The following TRMT9B variants were observed in gnomAD, a reference collection of about 807,000 sequenced individuals.
The protein encoded by TRMT9B is probable tRNA methyltransferase 9B.
In TRMT9B, 16 loss-of-function variants were observed where a neutral mutation model predicts 11.5. The observed-to-expected ratio is 1.39, with a 90% CI of 0.94 to 2.11. TRMT9B has a LOEUF of 2.11. TRMT9B is among the 30% of genes most tolerant of loss of function. The probability of loss-of-function intolerance (pLI) is 0.00; values close to 1 mark genes in which losing one functional copy is unlikely to be tolerated. For synonymous variants in TRMT9B, 274 were observed against 192.4 expected (o/e 1.42, Z -3.51); for missense variants, 941 against 553.8 (o/e 1.70, Z -7.02).
At chr8:12,954,872 A>C (rs898172184) in intron 1 of TRMT9B, among the ~76,000 whole-genome samples, 4 of 152,198 alleles carry the variant, frequency 2.6e-5, no homozygotes, top group Non-Finnish European at 5.9e-5. Flanking sequence ...TAAGAGTTTG[A>C]ACTAGATCAC....
chr8:13,021,246 C>G lies in TRMT9B; in HGVS notation c.567C>G (p.Pro189=). ...RQCGYPERGH[P]YHPPCSECSC... is the part of the protein sequence containing the mutation. ...GTGGATACCCAGAAAGAGGCCATCC[C>G]TACCATCCTCCTTGCTCTGAGTGTA... is the stretch of plus-strand genomic sequence containing the variant. Residue 189 remains proline (P), a synonymous_variant, in exon 5 of 5, where the codon CCC becomes CCG. Transcript: ENST00000524591. 6.2e-7 allele frequency: 1 copy of G among 1,613,940 alleles called. No individual in the cohort carries two copies. The highest frequency in any genetic ancestry group is 8.5e-7 in the Non-Finnish European group (1 of 1,179,868).
intron 1 of TRMT9B, chr8:12,970,268 C>T (rs1803408947): frequency 1.3e-5 from 2 of 152,240 alleles, no homozygotes; most frequent in South Asian, 2.1e-4. Flanking sequence ...CCTTCACTGT[C>T]CATGAACTTT....
Position 13,023,808 on chromosome 8 carries a change from T to C in TRMT9B, c.*1764T>C, listed in dbSNP as rs10088700. 0.32 allele frequency: 53,655 copies of C among 166,370 alleles called. 10,206 individuals carry two copies. Among genetic ancestry groups the C allele is most frequent in the Middle Eastern group, 0.53 (158 of 296 alleles). The allele number at this position is 166,370 out of a possible 1,614,324, so 10.3% of individuals were successfully genotyped here. ...CTATAACTTAAAATAATGATGTTAC[T>C]TTTGAACAAACTTAAAGAAATATTT... On this transcript the variant is annotated 3_prime_UTR_variant, in exon 5 of 5. Transcript: ENST00000524591.
In TRMT9B at chr8:13,021,337, G is replaced by A. The variant is rs774537000; in HGVS notation, c.658G>A (p.Ala220Thr). The change falls in exon 5 of 5, where the codon GCT becomes ACT. Residue 220 changes from alanine (A) to threonine (T), a missense_variant. Transcript: ENST00000524591. ...KRSHSVGYEP[A>T]MARTCFANIS... Reference sequence around the variant, plus strand: ...GTCCCACAGCGTGGGCTATGAACCTGCTATGGCAAGAACCTGTTTTGCAAA... The same window carrying A: ...GTCCCACAGCGTGGGCTATGAACCTACTATGGCAAGAACCTGTTTTGCAAA... 41 of 1,613,924 alleles carry A rather than the reference G, an allele frequency of 2.5e-5. No individual in the cohort carries two copies. Among genetic ancestry groups the A allele is most frequent in the Non-Finnish European group, 3.1e-5 (37 of 1,179,898 alleles).
rs543788570 is a variant in TRMT9B at position 12,999,125 on chromosome 8, C to A, written c.-1-7077C>A. On this transcript the variant is annotated intron_variant, in intron 2 of 4. Coordinates refer to ENST00000524591, the MANE Select transcript of TRMT9B (RefSeq NM_020844.3). ...ACCAGCCTAACCAACAGGGTGAAAC[C>A]CCGTCTCTAGTAAAAATACAAAAAT... 2.4e-4 allele frequency among the ~76,000 whole-genome samples: 36 copies of A among 151,824 alleles called. No individual in the cohort carries two copies. The South Asian group carries it at 7.5e-3, about 32-fold the overall frequency.
chr8:13,000,561 C>G (rs935312655), intron 2 of TRMT9B, among the ~76,000 whole-genome samples: 3 of 152,204 alleles, frequency 2.0e-5, no homozygotes, highest in Non-Finnish European at 4.4e-5. Context: ...CTTCCCCCAG[C>G]AAAGTTAGTT....
Position 12,988,720 on chromosome 8 carries a change from C to T in TRMT9B, c.-199-2114C>T, listed in dbSNP as rs1034153799. Among the ~76,000 whole-genome samples, 6 of 152,158 alleles carry T rather than the reference C, an allele frequency of 3.9e-5. No individual in the cohort carries two copies. The South Asian group carries it at 1.2e-3, about 32-fold the overall frequency. ...CAATTACCTCCCACCAGTTCCCTCC[C>T]ACAATACATGGGGATGATGGGAACT... On this transcript the variant is annotated intron_variant, in intron 1 of 4. Transcript: ENST00000524591.
rs150616627 is a variant in TRMT9B at position 12,981,898 on chromosome 8, G to C, written c.-199-8936G>C. 6.4e-3 allele frequency among the ~76,000 whole-genome samples: 976 copies of C among 152,204 alleles called. 11 individuals are homozygous for C. Among genetic ancestry groups the C allele is most frequent in the African/African-American group, 0.022 (916 of 41,492 alleles). On this transcript the variant is annotated intron_variant, in intron 1 of 4. Coordinates refer to ENST00000524591, the MANE Select transcript of TRMT9B (RefSeq NM_020844.3). ...GAGGTGACAACGTTTTCATCAATCT[G>C]TAGTGAAATGAGAAAATTAAACATG...
rs1814770682 is a variant in TRMT9B at position 13,027,049 on chromosome 8, A to G, written c.*5005A>G. 6.0e-6 allele frequency: 1 copy of G among 167,028 alleles called. No individual in the cohort carries two copies. The highest frequency in any genetic ancestry group is 2.4e-5 in the African/African-American group (1 of 41,420). 10.3% of individuals were successfully genotyped at this position (167,028 alleles called of 1,614,324 possible). A position where few individuals can be genotyped will look rare whatever the true frequency, so the allele number is the denominator to read the frequency against. On this transcript the variant is annotated 3_prime_UTR_variant, in exon 5 of 5. Coordinates refer to ENST00000524591, the MANE Select transcript of TRMT9B (RefSeq NM_020844.3). ...TGGGACCACTTTTCTCCAACTCTTC[A>G]ACCTTTCAACAATTATATTATTGTT...
At chr8:12,959,655 G>A (rs1181513931) in intron 1 of TRMT9B, among the ~76,000 whole-genome samples, 1 of 150,474 alleles carries the variant, frequency 6.6e-6, no homozygotes, top group Non-Finnish European at 1.5e-5. Flanking sequence ...AAGTAGCCGG[G>A]GCTACAGGTT....
chr8:13,012,041 A>G, intron 3 of TRMT9B: 1 of 985,452 alleles, frequency 1.0e-6, no homozygotes, highest in Non-Finnish European at 1.2e-6. Context: ...CTTAGAGGCT[A>G]CACGTGGTCT....
Position 13,012,669 on chromosome 8 carries a change from G to T in TRMT9B, c.155-15G>T, listed in dbSNP as rs1811867332. 1.9e-6 allele frequency: 3 copies of T among 1,600,916 alleles called. No homozygotes were observed. The highest frequency in any genetic ancestry group is 2.6e-6 in the Non-Finnish European group (3 of 1,172,138). The stretch of plus-strand genomic sequence containing the variant: ...CCATTGAGGATAGCATGTAACGCAG[G>T]TTTTTCTCTTATAGGTTGTGGGACT... On this transcript the variant is annotated splice_polypyrimidine_tract_variant and intron_variant, in intron 3 of 4. Coordinates refer to ENST00000524591, the MANE Select transcript of TRMT9B (RefSeq NM_020844.3).
chr8:12,959,230 T>A (rs13259751), intron 1 of TRMT9B, among the ~76,000 whole-genome samples: 66,908 of 151,932 alleles, frequency 0.44, 15,245 homozygotes, highest in Middle Eastern at 0.59. Context: ...AAATTTGAAA[T>A]GCTCCAGTAT....
At chr8:13,008,060 G>C (rs558162587) in intron 3 of TRMT9B, among the ~76,000 whole-genome samples, 19 of 152,266 alleles carry the variant, frequency 1.2e-4, no homozygotes, top group Non-Finnish European at 2.2e-4. Context: ...GGAAATGTTG[G>C]ATTAGGCTCC....
In TRMT9B at chr8:13,021,090, G is replaced by A. The variant is rs762707825; in HGVS notation, c.411G>A (p.Leu137=). Reference sequence around the variant, plus strand: ...GGGTCTTAGTTCCCGGAGGCCAACTGATGATTTACGTTTGGGCAATGGAAC... The same window carrying A: ...GGGTCTTAGTTCCCGGAGGCCAACTAATGATTTACGTTTGGGCAATGGAAC... ...MARVLVPGGQ[L]MIYVWAMEQK... The change falls in exon 5 of 5, where the codon CTG becomes CTA. Residue 137 remains leucine (L), a synonymous_variant. Transcript: ENST00000524591. 2 of 1,609,306 alleles carry A rather than the reference G, an allele frequency of 1.2e-6. No individual in the cohort carries two copies. Among genetic ancestry groups the A allele is most frequent in the East Asian group, 4.5e-5 (2 of 44,846 alleles).
chr8:12,983,799 C>G (rs2466269), intron 1 of TRMT9B, among the ~76,000 whole-genome samples: 1 of 152,154 alleles, frequency 6.6e-6, no homozygotes, highest in Non-Finnish European at 1.5e-5. Flanking sequence ...GTACAGTAGC[C>G]TTTTAATCAA....
intron 1 of TRMT9B, among the ~76,000 whole-genome samples, chr8:12,969,306 T>C (rs1051514871): frequency 6.6e-6 from 1 of 152,176 alleles, no homozygotes; most frequent in African/African-American, 2.4e-5. Context: ...CTAGCTACCT[T>C]TGGGCTCACA....
At position 13,025,101 on chromosome 8, in the gene TRMT9B, C is replaced by T. The variant is rs1448252237; in HGVS notation, c.*3057C>T. On this transcript the variant is annotated 3_prime_UTR_variant, in exon 5 of 5. Coordinates refer to ENST00000524591, the MANE Select transcript of TRMT9B (RefSeq NM_020844.3). Reference sequence around the variant, plus strand: ...CTGGAGTAATCTGATCACTTACTTCCTTATTAATACTAGATCACACAGTGT... The same window carrying T: ...CTGGAGTAATCTGATCACTTACTTCTTTATTAATACTAGATCACACAGTGT... 2 of 166,964 alleles carry T rather than the reference C, an allele frequency of 1.2e-5. No homozygotes were observed. Among genetic ancestry groups the T allele is most frequent in the Non-Finnish European group, 2.9e-5 (2 of 68,098 alleles). 10.3% of individuals were successfully genotyped at this position (166,964 alleles called of 1,614,324 possible).
At chr8:13,015,439 C>T (rs1350755611) in intron 4 of TRMT9B, among the ~76,000 whole-genome samples, 2 of 152,102 alleles carry the variant, frequency 1.3e-5, no homozygotes, top group Non-Finnish European at 2.9e-5. Context: ...GCAGCCTCTA[C>T]CTCCTGGTCT....
Sources: allele counts gnomAD v4.1 joint callset (sites outside exome capture counted in the v4.1 genomes callset), GRCh38; gene constraint gnomAD v4.1.1; transcripts MANE v1.5; gene names NCBI Gene and HGNC (gene_info 2026-07-23, HGNC 2026-07-21).